Variants in FAM13C observed in about 807,000 individuals in gnomAD.
FAM13C encodes protein FAM13C.
In FAM13C, 37 loss-of-function variants were observed where a neutral mutation model predicts 73.2. The ratio of observed to expected loss-of-function variants is 0.51; its 90% CI spans 0.39 to 0.67. The LOEUF is 0.67. Among genes scored for constraint, FAM13C ranks in the 30% least tolerant of loss-of-function variants. FAM13C has a pLI of 0.00. For missense variants in FAM13C, 589 were observed against 715.6 expected, an observed-to-expected ratio of 0.82 and a Z score of 2.02; for synonymous variants, 246 against 260.9, an observed-to-expected ratio of 0.94 and a Z score of 0.55.
intron 8 of FAM13C, among the ~76,000 whole-genome samples, chr10:59,266,908 A>T (rs1843131857): frequency 6.6e-6 from 1 of 152,216 alleles, no homozygotes; most frequent in Non-Finnish European, 1.5e-5. Flanking sequence ...TAGATTAAAA[A>T]GTTTGTGTTA....
intron 5 of FAM13C, among the ~76,000 whole-genome samples, chr10:59,294,487 A>G (rs570048961): frequency 6.6e-6 from 1 of 152,282 alleles, no homozygotes; most frequent in South Asian, 2.1e-4. Context: ...GTTCCCAGAC[A>G]AGGAAAAATA....
At chr10:59,281,632 G>C (rs1564519375) in intron 6 of FAM13C, among the ~76,000 whole-genome samples, 1 of 152,224 alleles carries the variant, frequency 6.6e-6, no homozygotes, top group Non-Finnish European at 1.5e-5. Flanking sequence ...TGCATTGCTA[G>C]TTCCTCCGTG....
chr10:59,362,274 C>T, intron 1 of FAM13C, 125 bp downstream of exon 1: 1 of 1,351,236 alleles, frequency 7.4e-7, no homozygotes, highest in Non-Finnish European at 1.0e-6. Flanking sequence ...GTCTTCACAG[C>T]CCCAGATTCC....
chr10:59,318,923 T>C (rs2133987264), intron 4 of FAM13C, among the ~76,000 whole-genome samples: 2 of 152,200 alleles, frequency 1.3e-5, no homozygotes, highest in South Asian at 2.1e-4. Context: ...TCAGGTACAG[T>C]CCAAGAAGGG....
chr10:59,252,357 A>G (rs1245100393), intron 12 of FAM13C, among the ~76,000 whole-genome samples: 1 of 152,126 alleles, frequency 6.6e-6, no homozygotes, highest in Non-Finnish European at 1.5e-5. Flanking sequence ...AAAGTTAGGA[A>G]TAACTGCTTT....
At chr10:59,248,705 A>G (rs890746132) in intron 13 of FAM13C, among the ~76,000 whole-genome samples, 6 of 152,218 alleles carry the variant, frequency 3.9e-5, no homozygotes, top group African/African-American at 1.4e-4. Flanking sequence ...GGTAAATAGC[A>G]TATATTTAAT....
chr10:59,347,522 T>A (rs1331614320), intron 3 of FAM13C, among the ~76,000 whole-genome samples: 1 of 152,090 alleles, frequency 6.6e-6, no homozygotes, highest in African/African-American at 2.4e-5. Flanking sequence ...ACACCTATTT[T>A]TTTTTTTAAT....
At chr10:59,265,654 A>C (rs1842992410) in intron 8 of FAM13C, among the ~76,000 whole-genome samples, 1 of 152,186 alleles carries the variant, frequency 6.6e-6, no homozygotes, top group Admixed American at 6.5e-5. Flanking sequence ...CTAAGGCCTT[A>C]AGCCAGTGAC....
At position 59,352,483 on chromosome 10, in the gene FAM13C, G is replaced by A; in HGVS notation, c.120-9C>T. The stretch of plus-strand genomic sequence containing the variant: ...CTTTATTGTTTTCATCTCTAAAACA[G>A]GAAAGACCCAATTTAGAAAGTACCT... On this transcript the variant is annotated splice_polypyrimidine_tract_variant and intron_variant, in intron 2 of 13. Coordinates refer to ENST00000618804, the MANE Select transcript of FAM13C (RefSeq NM_198215.4). 4 of 1,591,442 alleles carry A rather than the reference G, an allele frequency of 2.5e-6. No homozygotes were observed. Among genetic ancestry groups the A allele is most frequent in the Non-Finnish European group, 3.4e-6 (4 of 1,169,288 alleles).
intron 10 of FAM13C, among the ~76,000 whole-genome samples, chr10:59,256,564 G>A (rs1564481103): frequency 6.6e-6 from 1 of 152,134 alleles, no homozygotes; most frequent in Non-Finnish European, 1.5e-5. Context: ...CAATCCCTGA[G>A]GAAACGTGAG....
chr10:59,264,629 C>T lies in FAM13C; in HGVS notation c.943-463G>A, dbSNP rs183151216. Among the ~76,000 whole-genome samples, 165 of 152,234 alleles carry T rather than the reference C, an allele frequency of 1.1e-3. 1 individual carries two copies. The highest frequency in any genetic ancestry group is 3.9e-3 in the African/African-American group (161 of 41,548). On this transcript the variant is annotated intron_variant, in intron 8 of 13. Transcript: ENST00000618804. ...CACACACATGCTTATGACCATAACC[C>T]GTGGGAGAATACTGAAAAACTGGAA...
chr10:59,272,080 G>A (rs1424484904), intron 6 of FAM13C, among the ~76,000 whole-genome samples: 2 of 152,270 alleles, frequency 1.3e-5, no homozygotes, highest in African/African-American at 4.8e-5. Context: ...TAACTTTGTA[G>A]AATCACACAT....
rs1365177426 is a variant in FAM13C at position 59,252,916 on chromosome 10, A to G, written c.1415T>C (p.Val472Ala). 1.2e-6 allele frequency: 2 copies of G among 1,614,158 alleles called. No individual in the cohort carries two copies. Among genetic ancestry groups the G allele is most frequent in the Non-Finnish European group, 8.5e-7 (1 of 1,180,008 alleles). ...SLADPASHLP[V>A]GDHLTYSNET... ...ATTAGAGTAGGTGAGGTGGTCACCA[A>G]CAGGAAGGTGAGATGCTGGATCTGC... The change falls in exon 12 of 14, where the codon GTT (valine) becomes GCT (alanine). Residue 472 changes from valine (V) to alanine (A), a missense_variant. Coordinates refer to ENST00000618804, the MANE Select transcript of FAM13C (RefSeq NM_198215.4).
At chr10:59,319,129 TCAAAAA>T (rs1189805366) in intron 4 of FAM13C, among the ~76,000 whole-genome samples, 6 of 142,574 alleles carry the variant, frequency 4.2e-5, no homozygotes, top group African/African-American at 1.3e-4. Flanking sequence ...ATTGTCTATC[TCAAAAA>T]CAAAAGATGA....
chr10:59,352,601 C>T, intron 2 of FAM13C, 127 bp from the exon 3 acceptor site: 1 of 948,652 alleles, frequency 1.1e-6, no homozygotes, highest in Non-Finnish European at 1.5e-6. Context: ...AAATTTTTAG[C>T]CTACACTTAG....
chr10:59,272,963 C>T (rs1365856202), intron 6 of FAM13C, among the ~76,000 whole-genome samples: 1 of 152,044 alleles, frequency 6.6e-6, no homozygotes, highest in East Asian at 1.9e-4. Context: ...TTAACAACAA[C>T]AACTAACAAT....
intron 13 of FAM13C, chr10:59,251,308 G>T (rs1841351530): frequency 2.3e-6 from 1 of 439,464 alleles, no homozygotes; most frequent in Non-Finnish European, 4.0e-6. Flanking sequence ...TTTATGATGA[G>T]ATTTATTGTG....
intron 8 of FAM13C, 121 bp from the exon 9 acceptor site, chr10:59,264,287 A>G (rs1449277245): frequency 5.9e-6 from 4 of 672,774 alleles, no homozygotes; most frequent in Non-Finnish European, 1.0e-5. Flanking sequence ...ATAGTTTAGG[A>G]ATATATAAAG....
intron 6 of FAM13C, among the ~76,000 whole-genome samples, chr10:59,281,818 AC>A (rs1844953894): frequency 6.6e-6 from 1 of 152,236 alleles, no homozygotes; most frequent in Non-Finnish European, 1.5e-5. Flanking sequence ...CCAACATGCA[AC>A]AAATATTTTA....
Sources: allele counts gnomAD v4.1 joint callset (sites outside exome capture counted in the v4.1 genomes callset), GRCh38; gene constraint gnomAD v4.1.1; transcripts MANE v1.5; gene names NCBI Gene and HGNC (gene_info 2026-07-23, HGNC 2026-07-21).